Variants in UGT2B15 observed in about 807,000 individuals in gnomAD.
The protein encoded by UGT2B15 is UDP glucuronosyltransferase family 2 member B15.
A neutral mutation model predicts 45.9 loss-of-function variants in UGT2B15; 36 were observed. That is an observed-to-expected ratio of 0.78 (90% CI 0.60 to 1.04). The LOEUF is 1.04. UGT2B15 is among the 50% of genes least tolerant of loss of function. The probability of loss-of-function intolerance (pLI) is 0.00; values close to 1 mark genes in which losing one functional copy is unlikely to be tolerated. For missense variants in UGT2B15, 617 were observed against 622.4 expected, an observed-to-expected ratio of 0.99 and a Z score of 0.09; for synonymous variants, 219 against 216.4, an observed-to-expected ratio of 1.01 and a Z score of -0.11.
intron 3 of UGT2B15, among the ~76,000 whole-genome samples, chr4:68,656,798 AT>A (rs1215734428): frequency 4.0e-5 from 6 of 151,792 alleles, no homozygotes; most frequent in South Asian, 2.1e-4. Context: ...TTGTGGGCAG[AT>A]TTTTTTCTCA....
rs539434697 is a variant in UGT2B15 at position 68,647,609 on chromosome 4, C to T, written c.1314-226G>A. On this transcript the variant is annotated intron_variant, in intron 5 of 5. Coordinates refer to ENST00000338206, the MANE Select transcript of UGT2B15 (RefSeq NM_001076.4). ...CTTTAAAAATGAAAAATGGAATTTT[C>T]GGTGGGAAAGTTAATGTTTTCTGGA... Among the ~76,000 whole-genome samples the T allele has an allele frequency of 5.0e-4, 76 of 151,830 alleles. 2 individuals carry two copies. The highest frequency in any genetic ancestry group is 1.9e-3 in the South Asian group (9 of 4,804).
Position 68,670,340 on chromosome 4 carries a change from A to G in UGT2B15, c.279T>C (p.Ile93=). The change falls in exon 1 of 6, where the codon ATT becomes ATC. Residue 93 remains isoleucine (I), a synonymous_variant. Transcript: ENST00000338206. ...KNYLEDSLLK[I]LDRWIYGVSK... ...AAACACCATATATCCATCTATCGAGAATTTTCAGAAGAGAATCTTCCAAAT... is the reference window on the plus strand; with the variant it reads ...AAACACCATATATCCATCTATCGAGGATTTTCAGAAGAGAATCTTCCAAAT... The G allele has an allele frequency of 6.2e-7, 1 of 1,613,604 alleles. No homozygotes were observed. Among genetic ancestry groups the G allele is most frequent in the Non-Finnish European group, 8.5e-7 (1 of 1,179,884 alleles).
At chr4:68,668,405 T>A (rs2109836864) in intron 1 of UGT2B15, among the ~76,000 whole-genome samples, 1 of 152,252 alleles carries the variant, frequency 6.6e-6, no homozygotes. Flanking sequence ...AGGAAGGCAA[T>A]GTATTCAGAG....
chr4:68,667,928 G>C (rs1393614009), intron 2 of UGT2B15, 112 bp downstream of exon 2: 7 of 1,479,102 alleles, frequency 4.7e-6, no homozygotes, highest in Non-Finnish European at 4.6e-6. Flanking sequence ...GCAAGTCCTT[G>C]TTTTTGACCT....
Position 68,655,144 on chromosome 4 carries a change from T to G in UGT2B15, c.1044A>C (p.Leu348Phe), listed in dbSNP as rs930309772. The part of the protein sequence containing the change: ...WRFDGKKPNT[L>F]GSNTRLYKWL... ...ACTTGTACAGTCGAGTATTGGAACC[T>G]AAAGTATTTGGCTTCTTGCCATCAA... The change falls in exon 4 of 6, where the codon TTA (leucine) becomes TTC (phenylalanine). Residue 348 changes from leucine (L) to phenylalanine (F), a missense_variant. Around this residue, in one of 3 missense-constraint regions of UGT2B15, gnomAD observed 265 missense variants for 245.1 expected, o/e 1.08. Transcript: ENST00000338206. The G allele has an allele frequency of 2.5e-6, 4 of 1,613,316 alleles. No individual in the cohort carries two copies. In the African/African-American group the frequency reaches 5.3e-5, roughly 22 times the overall value.
intron 2 of UGT2B15, among the ~76,000 whole-genome samples, chr4:68,665,231 A>G (rs559415335): frequency 2.6e-5 from 4 of 152,216 alleles, no homozygotes; most frequent in Non-Finnish European, 5.9e-5. Flanking sequence ...TATTTATATA[A>G]CTCAATGTAC....
In UGT2B15 at chr4:68,670,449, G is replaced by A. The variant is rs1733278131; in HGVS notation, c.170C>T (p.Thr57Ile). 1.2e-6 allele frequency: 2 copies of A among 1,613,912 alleles called. No individual in the cohort carries two copies. Among genetic ancestry groups the A allele is most frequent in the Non-Finnish European group, 1.7e-6 (2 of 1,179,972 alleles). Residue 57 changes from threonine (T) to isoleucine (I), a missense_variant, in exon 1 of 6, where the codon ACA (threonine) becomes ATA (isoleucine). Physicochemically the swap from Thr to Ile is moderately conservative, Grantham distance 89 (BLOSUM62 -1). This residue lies in a region of UGT2B15 where 351 missense variants were observed against 342.1 expected (regional missense o/e 1.03). Coordinates refer to ENST00000338206, the MANE Select transcript of UGT2B15 (RefSeq NM_001076.4). ...ATTGACAAGAGTAGAAGCCGAAGAT[G>A]TCAACACAGTCACCTCATGACCCCT... ...VQRGHEVTVL[T>I]SSASTLVNAS...
chr4:68,647,445 T>C (rs1732516129), intron 5 of UGT2B15, 62 bp from the exon 6 acceptor site: 2 of 1,509,748 alleles, frequency 1.3e-6, no homozygotes, highest in Non-Finnish European at 1.8e-6. Flanking sequence ...GCATATCAAG[T>C]CTATGGATGG....
intron 5 of UGT2B15, among the ~76,000 whole-genome samples, chr4:68,650,323 C>T (rs566815310): frequency 1.3e-4 from 20 of 151,960 alleles, no homozygotes; most frequent in African/African-American, 2.7e-4. Flanking sequence ...TTCCATCCCC[C>T]GGTGTGTGTT....
chr4:68,655,893 C>A (rs1261659004), intron 3 of UGT2B15, among the ~76,000 whole-genome samples: 1 of 152,040 alleles, frequency 6.6e-6, no homozygotes, highest in Non-Finnish European at 1.5e-5. Context: ...CTCATATATT[C>A]AGGGTTCATA....
chr4:68,669,808 T>A (rs902239987), intron 1 of UGT2B15, 87 bp downstream of exon 1: 3 of 1,491,446 alleles, frequency 2.0e-6, no homozygotes, highest in African/African-American at 2.8e-5. Context: ...AAAAACACTA[T>A]CTTCTGACAT....
intron 4 of UGT2B15, 60 bp downstream of exon 4, chr4:68,655,035 C>A: frequency 6.4e-7 from 1 of 1,552,126 alleles, no homozygotes; most frequent in Non-Finnish European, 8.9e-7. Flanking sequence ...TTATGTTGAA[C>A]TATTATCACT....
intron 2 of UGT2B15, among the ~76,000 whole-genome samples, chr4:68,665,348 A>T (rs1252294678): frequency 7.2e-5 from 11 of 152,178 alleles, no homozygotes; most frequent in Non-Finnish European, 1.6e-4. Flanking sequence ...TTAGTTTCCA[A>T]CTATACCTGT....
At chr4:68,655,317 T>C (rs975654741) in intron 3 of UGT2B15, 135 bp from the exon 4 acceptor site, 6 of 1,106,132 alleles carry the variant, frequency 5.4e-6, no homozygotes, top group South Asian at 3.3e-5. Context: ...TGATGTCAAG[T>C]AATGAGAACT....
chr4:68,665,549 G>A (rs1236163113), intron 2 of UGT2B15, among the ~76,000 whole-genome samples: 1 of 152,036 alleles, frequency 6.6e-6, no homozygotes, highest in Non-Finnish European at 1.5e-5. Context: ...AGTTTCATGT[G>A]AGTATATTAT....
intron 5 of UGT2B15, 42 bp downstream of exon 5, chr4:68,653,993 AAT>A (rs1181744877): frequency 6.3e-7 from 1 of 1,599,058 alleles, no homozygotes; most frequent in Middle Eastern, 1.7e-4. Context: ...CTGTTGACAA[AAT>A]AATTTATAAA....
intron 5 of UGT2B15, 85 bp from the exon 6 acceptor site, chr4:68,647,468 G>A: frequency 7.1e-7 from 1 of 1,401,122 alleles, no homozygotes; most frequent in South Asian, 1.6e-5. Flanking sequence ...TTTGAAAAGT[G>A]TCACACAAAT....
At chr4:68,648,457 CCTCTTGG>C (rs1216709008) in intron 5 of UGT2B15, among the ~76,000 whole-genome samples, 1 of 152,066 alleles carries the variant, frequency 6.6e-6, no homozygotes, top group Admixed American at 6.6e-5. Context: ...TTGTATGATA[CCTCTTGG>C]AGAGTCTTTT....
At chr4:68,658,716 C>A (rs1732879592) in intron 3 of UGT2B15, among the ~76,000 whole-genome samples, 1 of 152,012 alleles carries the variant, frequency 6.6e-6, no homozygotes, top group African/African-American at 2.4e-5. Flanking sequence ...AAACTGTTAT[C>A]ATTTTTATTT....
Sources: gnomAD v4.1 joint callset for allele counts (sites outside exome capture counted in the v4.1 genomes callset) on GRCh38, gnomAD v4.1.1 for gene constraint, gnomAD v4.1.1 regional missense constraint, MANE v1.5 for transcripts, NCBI Gene and HGNC (gene_info 2026-07-23, HGNC 2026-07-21) for gene names.